Variants in UTP14A observed in about 807,000 individuals in gnomAD.
UTP14A encodes U3 small nucleolar RNA-associated protein 14 homolog A.
In UTP14A, 5 loss-of-function variants were observed where a neutral mutation model predicts 57.2. That is an observed-to-expected ratio of 0.09 (90% confidence interval 0.05 to 0.18). UTP14A has a LOEUF of 0.18. UTP14A is among the 10% of genes least tolerant of loss of function. The probability of loss-of-function intolerance (pLI) is 1.00; values close to 1 mark genes in which losing one functional copy is unlikely to be tolerated. For missense variants in UTP14A, 430 were observed against 562.1 expected (o/e 0.76, Z 2.38); for synonymous variants, 169 against 210.9 (o/e 0.80, Z 1.72).
Position 129,918,422 on chromosome X carries a change from C to T in UTP14A, c.538-753C>T, listed in dbSNP as rs765543502. Among the ~76,000 whole-genome samples the T allele has an allele frequency of 1.9e-4, 20 of 107,252 alleles. No individual in the cohort carries two copies. The South Asian group carries it at 6.4e-3, about 34-fold the overall frequency. The allele number at this position is 107,252 out of a possible 115,157, so 93.1% of individuals were successfully genotyped here. A position where few individuals can be genotyped will look rare whatever the true frequency, so the allele number is the denominator to read the frequency against. On this transcript the variant is annotated intron_variant, in intron 6 of 14. Coordinates refer to ENST00000394422, the MANE Select transcript of UTP14A (RefSeq NM_006649.4). ...AAAAAAAAAAAAAAAAAAAACTAAC[C>T]GCCCCTTCCCTCTAGAAATATTCTA...
At chrX:129,918,410 A>AG (rs1226758426) in intron 6 of UTP14A, among the ~76,000 whole-genome samples, 1 of 108,117 alleles carries the variant, frequency 9.2e-6, no homozygotes. Flanking sequence ...AAAAAAAAAA[A>AG]AAAAAACTAA....
intron 6 of UTP14A, among the ~76,000 whole-genome samples, chrX:129,918,601 G>A (rs1929783267): frequency 9.0e-6 from 1 of 111,195 alleles, no homozygotes; most frequent in Non-Finnish European, 1.9e-5. Flanking sequence ...AATCTGGGCC[G>A]GCGCGGTGGC....
chrX:129,928,242 A>G (rs1242472255), intron 14 of UTP14A, among the ~76,000 whole-genome samples: 117 of 107,189 alleles, frequency 1.1e-3, no homozygotes, highest in African/African-American at 3.5e-3. Flanking sequence ...AAAATTAGCC[A>G]GGCATGGTGG....
chrX:129,909,207 T>C (rs915406042), intron 4 of UTP14A, among the ~76,000 whole-genome samples: 14 of 82,558 alleles, frequency 1.7e-4, no homozygotes, highest in South Asian at 6.4e-4. Context: ...CTTTCAAGCC[T>C]TTTTTTTTTT....
chrX:129,915,889 T>C (rs1008020182), intron 6 of UTP14A, among the ~76,000 whole-genome samples: 2 of 110,272 alleles, frequency 1.8e-5, no homozygotes, highest in Non-Finnish European at 3.8e-5. Context: ...TGATATACTC[T>C]GGGTATTTTC....
rs373085338 is a variant in UTP14A at position 129,919,172 on chromosome X, A to G, written c.538-3A>G. On this transcript the variant is annotated splice_polypyrimidine_tract_variant and splice_region_variant and intron_variant, in intron 6 of 14. Coordinates refer to ENST00000394422, the MANE Select transcript of UTP14A (RefSeq NM_006649.4). ...ACTCAGAATGTTTTGTTGCTTCTTT[A>G]AGGCAAGAACTCCCCTGGAGCAGGA... The G allele has an allele frequency of 8.3e-7, 1 of 1,211,815 alleles. No homozygotes were observed. Among genetic ancestry groups the G allele is most frequent in the Non-Finnish European group, 1.1e-6 (1 of 895,526 alleles).
At chrX:129,913,741 G>A (rs1226571479) in intron 6 of UTP14A, among the ~76,000 whole-genome samples, 1 of 112,043 alleles carries the variant, frequency 8.9e-6, no homozygotes, top group African/African-American at 3.2e-5. Context: ...AGCACTTTGG[G>A]AGGCCGAGGC....
At chrX:129,915,611 T>C (rs1352160063) in intron 6 of UTP14A, among the ~76,000 whole-genome samples, 1 of 111,307 alleles carries the variant, frequency 9.0e-6, no homozygotes, top group Non-Finnish European at 1.9e-5. Context: ...ACTGATTTTA[T>C]TAAAATTTCA....
chrX:129,912,176 G>A (rs986642578), intron 6 of UTP14A, among the ~76,000 whole-genome samples: 10 of 107,483 alleles, frequency 9.3e-5, no homozygotes, highest in Non-Finnish European at 1.7e-4. Context: ...GCAGTGGCAC[G>A]ATCTCAGCTC....
Position 129,926,078 on chromosome X carries a change from G to A in UTP14A, c.1909G>A (p.Val637Met), listed in dbSNP as rs1930095090. ...TLPGWGEWGG[V>M]GLKPSAKKRR... The stretch of plus-strand genomic sequence containing the variant: ...ACCTGGCTGGGGCGAGTGGGGTGGT[G>A]TGGGCCTAAAGCCCAGTGCCAAGAA... Residue 637 changes from valine (V) to methionine (M), a missense_variant, in exon 13 of 15, where the codon GTG becomes ATG. This residue lies in a region of UTP14A where 82 missense variants were observed against 151.4 expected (regional missense o/e 0.54). Coordinates refer to ENST00000394422, the MANE Select transcript of UTP14A (RefSeq NM_006649.4). 4 of 1,211,991 alleles carry A rather than the reference G, an allele frequency of 3.3e-6. No individual in the cohort carries two copies. The East Asian group carries it at 1.2e-4, about 36-fold the overall frequency.
chrX:129,928,356 G>A (rs1183604279), intron 14 of UTP14A, among the ~76,000 whole-genome samples: 2 of 84,059 alleles, frequency 2.4e-5, no homozygotes, highest in African/African-American at 9.4e-5. Flanking sequence ...CTGCACTCCA[G>A]CCTGGGAGAC....
In UTP14A at chrX:129,906,360, G is replaced by T. The variant is rs1044291890; in HGVS notation, c.26+124G>T. On this transcript the variant is annotated intron_variant, in intron 1 of 14. Transcript: ENST00000394422. Reference sequence around the variant, plus strand: ...GGTTCCCCTGAAGAGCTGGCCATTCGTTCCTATTTTCCGCGATCCAGCCTT... The same window carrying T: ...GGTTCCCCTGAAGAGCTGGCCATTCTTTCCTATTTTCCGCGATCCAGCCTT... The T allele has an allele frequency of 7.3e-6, 5 of 680,775 alleles. No homozygotes were observed. The East Asian group carries it at 1.7e-4, about 23-fold the overall frequency. The allele number at this position is 680,775 out of a possible 1,213,427, so 56.1% of individuals were successfully genotyped here. A position where few individuals can be genotyped will look rare whatever the true frequency, so the allele number is the denominator to read the frequency against.
At chrX:129,913,392 A>G (rs2124195989) in intron 6 of UTP14A, 1 of 339,688 alleles carries the variant, frequency 2.9e-6, no homozygotes, top group African/African-American at 2.7e-5. Context: ...AAAAAAAATC[A>G]GAGGTAATAC....
intron 12 of UTP14A, among the ~76,000 whole-genome samples, chrX:129,925,405 C>A (rs1383218757): frequency 1.8e-5 from 2 of 111,691 alleles, no homozygotes; most frequent in Non-Finnish European, 3.8e-5. Flanking sequence ...CACAAAAACT[C>A]CTCTGGGGTG....
chrX:129,919,150 C>T (rs1929813183), intron 6 of UTP14A, 25 bp from the exon 7 acceptor site: 1 of 1,211,450 alleles, frequency 8.3e-7, no homozygotes, highest in African/African-American at 1.7e-5. Flanking sequence ...GCTTAAGACT[C>T]AGAATGTTTT....
chrX:129,912,257 C>T (rs1157076240), intron 6 of UTP14A, among the ~76,000 whole-genome samples: 2 of 109,627 alleles, frequency 1.8e-5, no homozygotes, highest in East Asian at 2.8e-4. Flanking sequence ...GGATTACTGG[C>T]GTGCACCAAC....
intron 4 of UTP14A, among the ~76,000 whole-genome samples, chrX:129,909,614 A>C (rs1482998672): frequency 9.0e-6 from 1 of 111,657 alleles, no homozygotes; most frequent in Non-Finnish European, 1.9e-5. Context: ...CCTTGGAGGG[A>C]CACAAAACAT....
intron 14 of UTP14A, among the ~76,000 whole-genome samples, chrX:129,927,900 G>T (rs1403392137): frequency 1.8e-5 from 2 of 111,905 alleles, no homozygotes; most frequent in Non-Finnish European, 3.8e-5. Flanking sequence ...AATGTCTGAA[G>T]GTAGCAATGT....
Position 129,907,960 on chromosome X carries a change from A to G in UTP14A, c.103-100A>G, listed in dbSNP as rs1228867058. The G allele has an allele frequency of 8.2e-6, 6 of 734,113 alleles. No individual in the cohort carries two copies. In the African/African-American group the frequency reaches 8.9e-5, roughly 11 times the overall value. The allele number at this position is 734,113 out of a possible 1,213,427, so 60.5% of individuals were successfully genotyped here. ...AACAGAGCGAGACGCCGTCTCAAAA[A>G]TAAATAAATAAATAACAAGAGATTT... On this transcript the variant is annotated intron_variant, in intron 2 of 14. Transcript: ENST00000394422.
Sources: gnomAD v4.1 joint callset for allele counts (sites outside exome capture counted in the v4.1 genomes callset) on GRCh38, gnomAD v4.1.1 for gene constraint, gnomAD v4.1.1 regional missense constraint, MANE v1.5 for transcripts, NCBI Gene and HGNC (gene_info 2026-07-23, HGNC 2026-07-21) for gene names.